NDUFA10: variants seen among roughly 807,000 people sequenced by gnomAD.
NDUFA10 encodes NADH:ubiquinone oxidoreductase subunit A10, also known as NADH dehydrogenase [ubiquinone] 1 alpha subcomplex subunit 10, mitochondrial.
Under a neutral mutation model 47.8 loss-of-function variants are expected in NDUFA10, and 40 were observed. That is an observed-to-expected ratio of 0.84 (90% CI 0.65 to 1.09). NDUFA10 has a LOEUF of 1.09. Among genes scored for constraint, NDUFA10 ranks in the 50% least tolerant of loss-of-function variants. NDUFA10 has a pLI of 0.00. For missense variants in NDUFA10, 413 were observed against 451.1 expected, an observed-to-expected ratio of 0.92 and a Z score of 0.76; for synonymous variants, 183 against 172.2, an observed-to-expected ratio of 1.06 and a Z score of -0.49.
intron 8 of NDUFA10, among the ~76,000 whole-genome samples, chr2:239,998,996 C>T (rs1224336554): frequency 6.6e-6 from 1 of 152,202 alleles, no homozygotes; most frequent in Non-Finnish European, 1.5e-5. Flanking sequence ...CAGGATGCTG[C>T]ACCAGGTAAG....
At chr2:239,940,270 C>T (rs764326349) in intron 4 of NDUFA10, among the ~76,000 whole-genome samples, 3 of 152,252 alleles carry the variant, frequency 2.0e-5, no homozygotes, top group South Asian at 2.1e-4. Context: ...ATGTGGCCCC[C>T]GGGCCAGTTT....
At chr2:239,916,133 A>G (rs1459514668) in intron 4 of NDUFA10, among the ~76,000 whole-genome samples, 1 of 152,086 alleles carries the variant, frequency 6.6e-6, no homozygotes, top group Non-Finnish European at 1.5e-5. Flanking sequence ...ATAGACACAC[A>G]CAAATATACA....
chr2:239,944,743 C>A (rs954482453), intron 4 of NDUFA10, among the ~76,000 whole-genome samples: 4 of 152,278 alleles, frequency 2.6e-5, no homozygotes, highest in African/African-American at 7.2e-5. Flanking sequence ...GGCCTCTGCT[C>A]GCTCGTTAGC....
At chr2:239,905,868 C>A (rs1192501717) in intron 4 of NDUFA10, among the ~76,000 whole-genome samples, 2 of 109,608 alleles carry the variant, frequency 1.8e-5, no homozygotes, top group Non-Finnish European at 3.9e-5. Flanking sequence ...AGGGGAGCAG[C>A]CTGGGAGGGG....
rs1367799758 is a variant in NDUFA10, at chr2:239,960,097, AG to A, written c.*1020del. 2.0e-6 allele frequency: 2 copies of A among 985,298 alleles called. No individual in the cohort carries two copies. Among genetic ancestry groups the A allele is most frequent in the Non-Finnish European group, 2.4e-6 (2 of 829,936 alleles). The allele number at this position is 985,298 out of a possible 1,614,324, so 61.0% of individuals were successfully genotyped here. ...ATTTCAATACCCACATGTGGCTAGG[AG>A]CTACCATATTGGACACAGTGGAGCT... On this transcript the variant is annotated 3_prime_UTR_variant, in exon 10 of 10. Transcript: ENST00000252711.
rs774612282 is a variant in NDUFA10 at position 240,025,201 on chromosome 2, A to G, written c.75+26T>C. 6 of 788,834 alleles carry G rather than the reference A, an allele frequency of 7.6e-6. No homozygotes were observed. The African/African-American group carries it at 9.0e-5, about 12-fold the overall frequency. The allele number at this position is 788,834 out of a possible 1,614,324, so 48.9% of individuals were successfully genotyped here. A position where few individuals can be genotyped will look rare whatever the true frequency, so the allele number is the denominator to read the frequency against. ...CACCCCGCCACCCTGCCACCCCGCCACCCTGCCACCCCGCCGCCCGCTCAC... is the reference window on the plus strand; with the variant it reads ...CACCCCGCCACCCTGCCACCCCGCCGCCCTGCCACCCCGCCGCCCGCTCAC... On this transcript the variant is annotated intron_variant, in intron 1 of 9. Transcript: ENST00000252711.
chr2:239,939,844 G>A (rs544243596), intron 4 of NDUFA10, among the ~76,000 whole-genome samples: 15 of 152,324 alleles, frequency 9.8e-5, no homozygotes, highest in African/African-American at 2.6e-4. Context: ...TGTGGGAGAC[G>A]AGGGCCACAT....
At chr2:239,974,906 A>C (rs968025231) in intron 9 of NDUFA10, among the ~76,000 whole-genome samples, 2 of 124,454 alleles carry the variant, frequency 1.6e-5, no homozygotes, top group Middle Eastern at 4.0e-3. Context: ...CTGGTCATTT[A>C]AAAATATGTG....
chr2:239,922,727 T>A (rs1694009305), intron 4 of NDUFA10, among the ~76,000 whole-genome samples: 1 of 152,206 alleles, frequency 6.6e-6, no homozygotes, highest in Non-Finnish European at 1.5e-5. Context: ...TTAAAATTGA[T>A]GAGGCAGACT....
chr2:239,980,495 T>C (rs34849118), intron 9 of NDUFA10, among the ~76,000 whole-genome samples: 47,037 of 152,080 alleles, frequency 0.31, 7,708 homozygotes, highest in East Asian at 0.44. Context: ...GGACTGTTCA[T>C]TGGGTAAATA....
intron 9 of NDUFA10, among the ~76,000 whole-genome samples, chr2:239,966,509 T>C (rs533813560): frequency 3.8e-4 from 58 of 152,286 alleles, no homozygotes; most frequent in African/African-American, 1.4e-3. Flanking sequence ...GGACCGGACT[T>C]GTTCCCACCC....
intron 4 of NDUFA10, among the ~76,000 whole-genome samples, chr2:240,015,646 G>A (rs1276859004): frequency 6.6e-5 from 10 of 152,330 alleles, no homozygotes; most frequent in African/African-American, 1.9e-4. Flanking sequence ...CGCAGGGCCC[G>A]TGCCACCCAA....
Position 240,025,330 on chromosome 2 carries a change from C to G in NDUFA10, c.-29G>C, listed in dbSNP as rs748247211. Reference sequence around the variant, plus strand: ...TACCCGGTCAGCTCAGGATCAAGGACCCAAGGGGACGCGGTCGCGACGGGG... The same window carrying G: ...TACCCGGTCAGCTCAGGATCAAGGAGCCAAGGGGACGCGGTCGCGACGGGG... On this transcript the variant is annotated 5_prime_UTR_variant, in exon 1 of 10. Transcript: ENST00000252711. 32 of 1,479,890 alleles carry G rather than the reference C, an allele frequency of 2.2e-5. No individual in the cohort carries two copies. Among genetic ancestry groups the G allele is most frequent in the African/African-American group, 2.9e-5 (2 of 68,166 alleles). 91.7% of individuals were successfully genotyped at this position (1,479,890 alleles called of 1,614,324 possible).
chr2:239,898,620 T>A (rs1395101174), intron 4 of NDUFA10, among the ~76,000 whole-genome samples: 1 of 152,184 alleles, frequency 6.6e-6, no homozygotes, highest in East Asian at 1.9e-4. Context: ...TTCCTCTCCT[T>A]CCCTCTCTTG....
At chr2:239,972,706 C>T (rs1372047309) in intron 9 of NDUFA10, among the ~76,000 whole-genome samples, 1 of 152,134 alleles carries the variant, frequency 6.6e-6, no homozygotes, top group Admixed American at 6.5e-5. Context: ...ACTATAGCTT[C>T]CTACAAATAT....
In NDUFA10 at chr2:240,005,957, T is replaced by C. The variant is rs889372920; in HGVS notation, c.805-662A>G. On this transcript the variant is annotated intron_variant, in intron 7 of 9. Transcript: ENST00000252711. ...CTTCTAAAAGGCAAAACCTAGCCCCTCAAAATGACAAAAGAATAAGATACA... is the reference window on the plus strand; with the variant it reads ...CTTCTAAAAGGCAAAACCTAGCCCCCCAAAATGACAAAAGAATAAGATACA... 5.9e-5 allele frequency among the ~76,000 whole-genome samples: 9 copies of C among 152,024 alleles called. 1 individual carries two copies. The East Asian group carries it at 1.3e-3, about 23-fold the overall frequency.
chr2:239,979,144 A>G (rs992726239), intron 9 of NDUFA10, among the ~76,000 whole-genome samples: 5 of 152,328 alleles, frequency 3.3e-5, no homozygotes, highest in Middle Eastern at 3.4e-3. Flanking sequence ...TAAATTAAAC[A>G]TAAGGGTCAG....
chr2:240,012,023 G>A (rs1252065233), intron 5 of NDUFA10: 2 of 353,298 alleles, frequency 5.7e-6, no homozygotes, highest in Non-Finnish European at 1.1e-5. Flanking sequence ...CTGAGTGCAG[G>A]AATGAAAGAG....
Position 239,970,495 on chromosome 2 carries a change from A to G in NDUFA10, c.1000-9309T>C, listed in dbSNP as rs148318022. Among the ~76,000 whole-genome samples the G allele has an allele frequency of 4.6e-5, 7 of 152,374 alleles. No individual in the cohort carries two copies. In the East Asian group the frequency reaches 1.3e-3, roughly 29 times the overall value. ...ATCAGAAATGGTAGAGGGAAGGATAAAAGACTAAAAGACTAAAAAATTGTT... is the reference window on the plus strand; with the variant it reads ...ATCAGAAATGGTAGAGGGAAGGATAGAAGACTAAAAGACTAAAAAATTGTT... On this transcript the variant is annotated intron_variant, in intron 9 of 9. Coordinates refer to ENST00000252711, the MANE Select transcript of NDUFA10 (RefSeq NM_004544.4).
Sources: gnomAD v4.1 joint callset for allele counts (sites outside exome capture counted in the v4.1 genomes callset) on GRCh38, gnomAD v4.1.1 for gene constraint, MANE v1.5 for transcripts, NCBI Gene and HGNC (gene_info 2026-07-23, HGNC 2026-07-21) for gene names.